The following LEPROT variants were observed in gnomAD, a reference collection of about 807,000 sequenced individuals.
LEPROT encodes the protein leptin receptor overlapping transcript, also known as leptin receptor gene-related protein.
In LEPROT, 3 loss-of-function variants were observed where a neutral mutation model predicts 15.4. The ratio of observed to expected loss-of-function variants is 0.19; its 90% confidence interval spans 0.09 to 0.50. The LOEUF (loss-of-function observed/expected upper bound fraction) is 0.50. Among genes scored for constraint, LEPROT ranks in the 20% least tolerant of loss-of-function variants. The probability of loss-of-function intolerance (pLI) is 0.97; values close to 1 mark genes in which losing one functional copy is unlikely to be tolerated. For synonymous variants in LEPROT, 59 were observed against 57.5 expected (o/e 1.03, Z -0.12); for missense variants, 137 against 162.2 (o/e 0.84, Z 0.84).
chr1:65,421,486 G>A, intron 1 of LEPROT: 1 of 1,535,888 alleles, frequency 6.5e-7, no homozygotes, highest in East Asian at 2.4e-5. Flanking sequence ...TTTCTAATCT[G>A]TCGAATAGAG....
rs991720168 is a variant in LEPROT at position 65,421,056 on chromosome 1, C to T, written c.16+316C>T. 7.9e-5 allele frequency among the ~76,000 whole-genome samples: 12 copies of T among 152,222 alleles called. No homozygotes were observed. In the South Asian group the frequency reaches 1.0e-3, roughly 13 times the overall value. Reference sequence around the variant, plus strand: ...TCTCCTGAGTTTTTAAACAAGGTTTCCACTTCTTGACGCCACCCTAACGCC... The same window carrying T: ...TCTCCTGAGTTTTTAAACAAGGTTTTCACTTCTTGACGCCACCCTAACGCC... On this transcript the variant is annotated intron_variant, in intron 1 of 3. Transcript: ENST00000371065.
At position 65,434,783 on chromosome 1, in the gene LEPROT, T is replaced by C; in HGVS notation, c.*2864T>C. On this transcript the variant is annotated 3_prime_UTR_variant, in exon 4 of 4. Coordinates refer to ENST00000371065, the MANE Select transcript of LEPROT (RefSeq NM_017526.5). ...CTCTCCCAACTGAGAACCTTCCCAC[T>C]GGGCTCCATCCTCCCTCCTGAGGTT... 1 of 985,458 alleles carries C rather than the reference T, an allele frequency of 1.0e-6. No individual in the cohort carries two copies. The highest frequency in any genetic ancestry group is 1.7e-5 in the African/African-American group (1 of 57,302). The allele number at this position is 985,458 out of a possible 1,614,324, so 61.0% of individuals were successfully genotyped here. A position where few individuals can be genotyped will look rare whatever the true frequency, so the allele number is the denominator to read the frequency against.
chr1:65,425,836 A>G (rs1646351544), intron 2 of LEPROT, among the ~76,000 whole-genome samples: 1 of 152,180 alleles, frequency 6.6e-6, no homozygotes, highest in African/African-American at 2.4e-5. Flanking sequence ...GATGAATAAG[A>G]GTTTTTCAGG....
rs199879055 is a variant in LEPROT, at chr1:65,431,889, A to G, written c.366A>G (p.Arg122=). The change falls in exon 4 of 4, where the codon AGA becomes AGG. Residue 122 remains arginine, a synonymous_variant. Transcript: ENST00000371065. ...AAGGGTTTTTCCTTATATTTGGAAG[A>G]GGAGATGATTTTAGCTGGGAGCAGT... ...TIQGFFLIFG[R]GDDFSWEQW is the part of the protein sequence containing the mutation. 8.7e-6 allele frequency: 14 copies of G among 1,613,954 alleles called. No individual in the cohort carries two copies. The highest frequency in any genetic ancestry group is 1.2e-5 in the Non-Finnish European group (14 of 1,179,974).
At chr1:65,428,196 A>C (rs535964188) in intron 2 of LEPROT, among the ~76,000 whole-genome samples, 191 of 152,298 alleles carry the variant, frequency 1.3e-3, no homozygotes, top group Admixed American at 1.9e-3. Flanking sequence ...TATATATTTA[A>C]TATTTACATT....
chr1:65,421,274 A>C, intron 1 of LEPROT: 1 of 1,476,642 alleles, frequency 6.8e-7, no homozygotes, highest in East Asian at 2.5e-5. Context: ...TGGAGAGTAG[A>C]TTACGTGTAA....
rs140662976 is a variant in LEPROT, at chr1:65,435,711, A to G, written c.*3792A>G. Reference sequence around the variant, plus strand: ...TTTGCGAAATCAGATTTTGTATCCCAATAGAACCAAAATATTTATGAGGAT... The same window carrying G: ...TTTGCGAAATCAGATTTTGTATCCCGATAGAACCAAAATATTTATGAGGAT... On this transcript the variant is annotated 3_prime_UTR_variant, in exon 4 of 4. Transcript: ENST00000371065. The G allele has an allele frequency of 1.3e-3, 1,248 of 985,414 alleles. 16 individuals are homozygous for G. The African/African-American group carries it at 0.021, about 16-fold the overall frequency. The allele number at this position is 985,414 out of a possible 1,614,324, so 61.0% of individuals were successfully genotyped here.
chr1:65,421,033 T>C (rs535152093), intron 1 of LEPROT, among the ~76,000 whole-genome samples: 1 of 152,320 alleles, frequency 6.6e-6, no homozygotes, highest in South Asian at 2.1e-4. Context: ...CCTCCACCTC[T>C]CCTGAGTTTT....
intron 2 of LEPROT, among the ~76,000 whole-genome samples, chr1:65,425,947 TA>T (rs1646354095): frequency 6.6e-6 from 1 of 152,164 alleles, no homozygotes; most frequent in African/African-American, 2.4e-5. Context: ...CAGCTACTGT[TA>T]TGGGAACTAG....
chr1:65,434,150 G>A lies in LEPROT; in HGVS notation c.*2231G>A, dbSNP rs1646526296. On this transcript the variant is annotated 3_prime_UTR_variant, in exon 4 of 4. Transcript: ENST00000371065. Reference sequence around the variant, plus strand: ...AGTACTTGCATATAGAGTATTTGAAGTGATAGATTATTAGATTTGCTCTAT... The same window carrying A: ...AGTACTTGCATATAGAGTATTTGAAATGATAGATTATTAGATTTGCTCTAT... 1 of 984,360 alleles carries A rather than the reference G, an allele frequency of 1.0e-6. No individual in the cohort carries two copies. Among genetic ancestry groups the A allele is most frequent in the Middle Eastern group, 5.2e-4 (1 of 1,912 alleles). 61.0% of individuals were successfully genotyped at this position (984,360 alleles called of 1,614,324 possible).
chr1:65,420,872 A>T, intron 1 of LEPROT, 132 bp downstream of exon 1: 2 of 1,162,042 alleles, frequency 1.7e-6, no homozygotes, highest in Non-Finnish European at 2.5e-6. Flanking sequence ...CCGGTTCGGG[A>T]GGCGATCGAC....
At position 65,421,486 on chromosome 1, in the gene LEPROT, G is replaced by C. The variant is rs534138663; in HGVS notation, c.16+746G>C. On this transcript the variant is annotated intron_variant, in intron 1 of 3. Coordinates refer to ENST00000371065, the MANE Select transcript of LEPROT (RefSeq NM_017526.5). ...TAGGAAAACATTCCATTTCTAATCT[G>C]TCGAATAGAGTAGCATGACTTGTTT... The C allele has an allele frequency of 2.0e-5, 30 of 1,535,888 alleles. No homozygotes were observed. In the African/African-American group the frequency reaches 2.1e-4, roughly 10 times the overall value.
chr1:65,426,062 A>T (rs1218238932), intron 2 of LEPROT, among the ~76,000 whole-genome samples: 1 of 141,858 alleles, frequency 7.0e-6, no homozygotes, highest in Non-Finnish European at 1.5e-5. Context: ...TCAGAGGTAG[A>T]AATGGTACAA....
chr1:65,426,254 C>T (rs1469502843), intron 2 of LEPROT, among the ~76,000 whole-genome samples: 1 of 134,242 alleles, frequency 7.4e-6, no homozygotes, highest in Non-Finnish European at 1.5e-5. Context: ...TGTATATAGC[C>T]TTTTCAGGAA....
intron 2 of LEPROT, 39 bp downstream of exon 2, chr1:65,425,417 T>C: frequency 6.5e-7 from 1 of 1,545,064 alleles, no homozygotes; most frequent in Non-Finnish European, 8.8e-7. Context: ...CCTCTTTCTG[T>C]GTCTTTGTCA....
chr1:65,423,280 G>A (rs1188512201), intron 1 of LEPROT, among the ~76,000 whole-genome samples: 1 of 152,108 alleles, frequency 6.6e-6, no homozygotes, highest in African/African-American at 2.4e-5. Flanking sequence ...TAAGTTTTCA[G>A]CAGGAGTGCG....
intron 1 of LEPROT, among the ~76,000 whole-genome samples, chr1:65,422,860 C>T (rs1158071745): frequency 6.6e-6 from 1 of 152,078 alleles, no homozygotes; most frequent in Non-Finnish European, 1.5e-5. Flanking sequence ...TGGAAGCAAC[C>T]GCAAAGGGAT....
At chr1:65,426,150 T>C (rs763271120) in intron 2 of LEPROT, among the ~76,000 whole-genome samples, 2 of 151,980 alleles carry the variant, frequency 1.3e-5, no homozygotes, top group Non-Finnish European at 2.9e-5. Context: ...AGAAGAAATG[T>C]CAAGAAAATC....
At position 65,432,529 on chromosome 1, in the gene LEPROT, C is replaced by T. The variant is rs1045573447; in HGVS notation, c.*610C>T. 3 of 783,104 alleles carry T rather than the reference C, an allele frequency of 3.8e-6. No individual in the cohort carries two copies. The African/African-American group carries it at 5.7e-5, about 15-fold the overall frequency. The allele number at this position is 783,104 out of a possible 1,614,324, so 48.5% of individuals were successfully genotyped here. A position where few individuals can be genotyped will look rare whatever the true frequency, so the allele number is the denominator to read the frequency against. ...CTTCCTTATCTTTCCAGTGGCTAAA[C>T]CACTTAACCTCTCTGGGTGTTACCT... On this transcript the variant is annotated 3_prime_UTR_variant, in exon 4 of 4. Transcript: ENST00000371065.
Sources: allele counts gnomAD v4.1 joint callset (sites outside exome capture counted in the v4.1 genomes callset), GRCh38; gene constraint gnomAD v4.1.1; transcripts MANE v1.5; gene names NCBI Gene and HGNC (gene_info 2026-07-23, HGNC 2026-07-21).